The following GRIK4 variants were observed in gnomAD, a reference collection of about 807,000 sequenced individuals.
GRIK4 encodes the protein glutamate ionotropic receptor kainate type subunit 4.
A neutral mutation model predicts 104.9 loss-of-function variants in GRIK4; 40 were observed. The observed-to-expected ratio is 0.38, with a 90% CI of 0.30 to 0.50. GRIK4 has a LOEUF of 0.50. Among genes scored for constraint, GRIK4 ranks in the 20% least tolerant of loss-of-function variants. The probability of loss-of-function intolerance (pLI) is 0.93; values close to 1 mark genes in which losing one functional copy is unlikely to be tolerated. For missense variants in GRIK4, 1,047 were observed against 1,308.1 expected (o/e 0.80, Z 3.08); for synonymous variants, 485 against 524.9 (o/e 0.92, Z 1.04).
intron 3 of GRIK4, among the ~76,000 whole-genome samples, chr11:120,785,587 G>C (rs1952251027): frequency 6.6e-6 from 1 of 152,186 alleles, no homozygotes; most frequent in Non-Finnish European, 1.5e-5. Context: ...AGACCAAAAG[G>C]TGAACCTTGT....
intron 3 of GRIK4, among the ~76,000 whole-genome samples, chr11:120,732,689 G>A (rs745715115): frequency 6.6e-6 from 1 of 152,004 alleles, no homozygotes. Context: ...ATTCCATTGT[G>A]GTCAGAGAAT....
chr11:120,802,691 A>G lies in GRIK4; in HGVS notation c.83-2A>G. The G allele has an allele frequency of 6.2e-7, 1 of 1,613,308 alleles. No homozygotes were observed. The highest frequency in any genetic ancestry group is 8.5e-7 in the Non-Finnish European group (1 of 1,179,700). ...TGTCTCCATGTGGTTGCCTGCCCAC[A>G]GCTGCTATCTTGGACGACCCCATGG... On this transcript the variant is annotated splice_acceptor_variant, in intron 3 of 20. Coordinates refer to ENST00000527524, the MANE Select transcript of GRIK4 (RefSeq NM_014619.5). LOFTEE classifies it high-confidence loss of function.
At chr11:120,794,602 C>T (rs868839103) in intron 3 of GRIK4, among the ~76,000 whole-genome samples, 4 of 152,208 alleles carry the variant, frequency 2.6e-5, no homozygotes, top group African/African-American at 4.8e-5. Context: ...AGACCACGTA[C>T]GGGTGCAGGG....
intron 1 of GRIK4, among the ~76,000 whole-genome samples, chr11:120,566,630 A>G (rs936985196): frequency 1.3e-5 from 2 of 152,082 alleles, no homozygotes; most frequent in African/African-American, 4.8e-5. Context: ...CTGGTGAGCA[A>G]TTAATGGGTT....
At chr11:120,810,744 T>C (rs562739763) in intron 4 of GRIK4, among the ~76,000 whole-genome samples, 1 of 152,370 alleles carries the variant, frequency 6.6e-6, no homozygotes, top group African/African-American at 2.4e-5. Flanking sequence ...ATATATATGC[T>C]TCTTCATTAA....
At chr11:120,709,561 A>G (rs1950689409) in intron 3 of GRIK4, among the ~76,000 whole-genome samples, 1 of 152,220 alleles carries the variant, frequency 6.6e-6, no homozygotes, top group South Asian at 2.1e-4. Context: ...TCAGTTTGAT[A>G]GGAGTACTGG....
intron 3 of GRIK4, among the ~76,000 whole-genome samples, chr11:120,700,161 C>T (rs1446459804): frequency 1.3e-5 from 2 of 151,802 alleles, no homozygotes; most frequent in Admixed American, 6.6e-5. Flanking sequence ...CTAAAATCTA[C>T]TTATTTAACA....
At position 120,952,258 on chromosome 11, in the gene GRIK4, C is replaced by G. The variant is rs1309649156; in HGVS notation, c.1591-597C>G. On this transcript the variant is annotated intron_variant, in intron 14 of 20. Transcript: ENST00000527524. This position sits in a 1 kb window ranked among gnomAD's most constrained non-coding sequence, Gnocchi z 5.2. ...TTTTGGGTCCCGGCTCTTCCATTTA[C>G]GCACTGTGGAACCTCGGGCACATCT... 6.6e-6 allele frequency among the ~76,000 whole-genome samples: 1 copy of G among 152,122 alleles called. No homozygotes were observed. Among genetic ancestry groups the G allele is most frequent in the East Asian group, 1.9e-4 (1 of 5,200 alleles).
At chr11:120,957,843 G>A (rs1033510180) in intron 16 of GRIK4, among the ~76,000 whole-genome samples, 1 of 152,196 alleles carries the variant, frequency 6.6e-6, no homozygotes, top group South Asian at 2.1e-4. Flanking sequence ...GGAGCCACTG[G>A]GCTGTTAGGA....
chr11:120,879,776 C>G (rs564001017), intron 11 of GRIK4, among the ~76,000 whole-genome samples: 1 of 152,140 alleles, frequency 6.6e-6, no homozygotes, highest in African/African-American at 2.4e-5. Flanking sequence ...TTTGCACATG[C>G]GAGATCTCTG....
intron 1 of GRIK4, among the ~76,000 whole-genome samples, chr11:120,628,503 T>A (rs530251601): frequency 2.0e-5 from 3 of 152,192 alleles, no homozygotes; most frequent in African/African-American, 7.2e-5. Flanking sequence ...AGATTGTAGA[T>A]CCCCTGAAGC....
chr11:120,628,683 G>C (rs956049719), intron 1 of GRIK4, among the ~76,000 whole-genome samples: 2 of 152,162 alleles, frequency 1.3e-5, no homozygotes, highest in Non-Finnish European at 2.9e-5. Flanking sequence ...GCTCCTAGGG[G>C]CCTGAGGAAG....
Position 120,718,056 on chromosome 11 carries a change from C to T in GRIK4, c.82+57656C>T, listed in dbSNP as rs911406328. ...CTTAAGTGTCTGTCTAGACACAACA[C>T]CTGATTCCAGGAAAGGATCATAAGT... On this transcript the variant is annotated intron_variant, in intron 3 of 20. Transcript: ENST00000527524. Among the ~76,000 whole-genome samples, 3 of 152,198 alleles carry T rather than the reference C, an allele frequency of 2.0e-5. No homozygotes were observed. The South Asian group carries it at 6.2e-4, about 31-fold the overall frequency.
At chr11:120,575,244 C>T (rs973994871) in intron 1 of GRIK4, among the ~76,000 whole-genome samples, 8 of 152,062 alleles carry the variant, frequency 5.3e-5, no homozygotes, top group African/African-American at 1.9e-4. Context: ...CACACGTTTT[C>T]CACTTAGCTC....
intron 4 of GRIK4, among the ~76,000 whole-genome samples, chr11:120,803,186 G>A (rs1952652121): frequency 6.6e-6 from 1 of 152,196 alleles, no homozygotes; most frequent in South Asian, 2.1e-4. Flanking sequence ...TGTGATAAGA[G>A]AGACGGCCAG....
chr11:120,927,565 C>CAAAAAAAAAAAAAAAAA (rs56223442), intron 13 of GRIK4, among the ~76,000 whole-genome samples: 28 of 101,560 alleles, frequency 2.8e-4, no homozygotes, highest in African/African-American at 4.3e-4. Context: ...GACTCTGTCT[C>CAAAAAAAAAAAAAAAAA]AAAAAAAAAA....
chr11:120,629,686 C>T (rs1393467673), intron 1 of GRIK4, among the ~76,000 whole-genome samples: 1 of 152,224 alleles, frequency 6.6e-6, no homozygotes, highest in Non-Finnish European at 1.5e-5. Flanking sequence ...TCCGATTGTC[C>T]TGCTAGGCAG....
At chr11:120,590,455 A>G (rs1286290604) in intron 1 of GRIK4, among the ~76,000 whole-genome samples, 1 of 152,152 alleles carries the variant, frequency 6.6e-6, no homozygotes, top group East Asian at 1.9e-4. Context: ...GCAGCCCTAG[A>G]TGAGTCCTAT....
intron 1 of GRIK4, among the ~76,000 whole-genome samples, chr11:120,526,806 AC>A (rs1947862529): frequency 6.6e-6 from 1 of 152,120 alleles, no homozygotes. Context: ...CCAAGATTGC[AC>A]CATTGCACTC....
Sources: allele counts gnomAD v4.1 joint callset (sites outside exome capture counted in the v4.1 genomes callset), GRCh38; gene constraint gnomAD v4.1.1; non-coding constraint Gnocchi (gnomAD v3.1); transcripts MANE v1.5; gene names NCBI Gene and HGNC (gene_info 2026-07-23, HGNC 2026-07-21).